Variants in BORA observed in about 807,000 individuals in gnomAD.
BORA encodes the protein protein aurora borealis.
BORA carries 26 observed loss-of-function variants against 55.8 expected under a neutral mutation model. The ratio of observed to expected loss-of-function variants is 0.47; its 90% CI spans 0.34 to 0.65. The LOEUF (loss-of-function observed/expected upper bound fraction) is 0.65. BORA is among the 30% of genes least tolerant of loss of function. The pLI is 0.01. For missense variants in BORA, 568 were observed against 671.5 expected (o/e 0.85, Z 1.70); for synonymous variants, 201 against 216.9 (o/e 0.93, Z 0.64).
At chr13:72,736,556 T>A (rs2032932052) in intron 4 of BORA, among the ~76,000 whole-genome samples, 1 of 152,196 alleles carries the variant, frequency 6.6e-6, no homozygotes, top group Admixed American at 6.5e-5. Flanking sequence ...CATATACAGA[T>A]TTTTACATTC....
chr13:72,731,513 T>C, intron 3 of BORA, 126 bp downstream of exon 3: 1 of 703,432 alleles, frequency 1.4e-6, no homozygotes. Flanking sequence ...TGCAGATTTT[T>C]TCTATCTAAA....
chr13:72,744,439 GTA>G (rs1250793108), intron 6 of BORA, 64 bp from the exon 7 acceptor site: 49 of 1,342,380 alleles, frequency 3.7e-5, no homozygotes, highest in Non-Finnish European at 5.0e-5. Context: ...ATGCTGAATT[GTA>G]TAGTGTATAC....
chr13:72,743,295 T>C (rs367867528), intron 5 of BORA, among the ~76,000 whole-genome samples: 3 of 151,986 alleles, frequency 2.0e-5, no homozygotes, highest in Non-Finnish European at 4.4e-5. Context: ...TAAAGAAAAA[T>C]GTAAAAAAAA....
rs1366818494 is a variant in BORA at position 72,745,946 on chromosome 13, G to A, written c.741G>A (p.Gly247=). ...CRSPLQTPSS[G]QFSSSPIQAS... Reference sequence around the variant, plus strand: ...TTTACTATTTAATTTTATTACAGGGGCAGTTTTCTTCTAGCCCTATTCAGG... The same window carrying A: ...TTTACTATTTAATTTTATTACAGGGACAGTTTTCTTCTAGCCCTATTCAGG... Residue 247 remains glycine, a splice_region_variant and synonymous_variant, in exon 9 of 12, where the codon GGG becomes GGA. Transcript: ENST00000390667. The A allele has an allele frequency of 1.2e-6, 2 of 1,603,126 alleles. No individual in the cohort carries two copies. Among genetic ancestry groups the A allele is most frequent in the Non-Finnish European group, 8.5e-7 (1 of 1,175,846 alleles).
Position 72,727,958 on chromosome 13 carries a change from C to T in BORA, c.-65C>T, listed in dbSNP as rs997517946. 4 of 1,550,598 alleles carry T rather than the reference C, an allele frequency of 2.6e-6. No homozygotes were observed. The African/African-American group carries it at 5.5e-5, about 21-fold the overall frequency. ...TGCCTGTCGTGGAAGCTGGCCTGGC[C>T]CCCGGAGCTCCCTGGAGTCGGTACT... On this transcript the variant is annotated 5_prime_UTR_variant, in exon 1 of 12. Transcript: ENST00000390667.
intron 4 of BORA, among the ~76,000 whole-genome samples, chr13:72,736,898 G>C (rs1176395247): frequency 7.6e-6 from 1 of 132,258 alleles, no homozygotes; most frequent in Non-Finnish European, 1.6e-5. Flanking sequence ...CTTTACTTTT[G>C]AGTGAACTTA....
chr13:72,749,675 T>A (rs932413261), intron 10 of BORA, among the ~76,000 whole-genome samples: 4 of 152,302 alleles, frequency 2.6e-5, no homozygotes, highest in Middle Eastern at 3.4e-3. Context: ...CTCTCCAGCT[T>A]GTTTCCTTCA....
chr13:72,739,321 T>TG (rs1440411252), intron 5 of BORA, among the ~76,000 whole-genome samples: 23 of 152,308 alleles, frequency 1.5e-4, no homozygotes, highest in Admixed American at 6.5e-4. Context: ...ATCAAGAAGA[T>TG]GCTTAAAAAC....
At chr13:72,734,430 T>C (rs940861743) in intron 3 of BORA, among the ~76,000 whole-genome samples, 15 of 151,986 alleles carry the variant, frequency 9.9e-5, no homozygotes, top group Admixed American at 2.6e-4. Flanking sequence ...TGTATCAAAG[T>C]GAAAAAAAAA....
Position 72,755,699 on chromosome 13 carries a change from C to T in BORA, c.*483C>T, listed in dbSNP as rs1593827400. 3 of 395,916 alleles carry T rather than the reference C, an allele frequency of 7.6e-6. No homozygotes were observed. Among genetic ancestry groups the T allele is most frequent in the Non-Finnish European group, 1.3e-5 (3 of 224,966 alleles). 24.5% of individuals were successfully genotyped at this position (395,916 alleles called of 1,614,324 possible). ...TTTCAAAGATACAAAAGAAATTAAA[C>T]AGGTTTCCTGAAATTTTAGTTCTTG... On this transcript the variant is annotated 3_prime_UTR_variant, in exon 12 of 12. Transcript: ENST00000390667.
intron 7 of BORA, 50 bp from the exon 8 acceptor site, chr13:72,744,931 T>C (rs1309438997): frequency 6.5e-7 from 1 of 1,530,556 alleles, no homozygotes; most frequent in Non-Finnish European, 9.0e-7. Context: ...AGAAGTATAA[T>C]TGCCCTTTAA....
At chr13:72,728,091 G>A in intron 1 of BORA, 84 bp downstream of exon 1, 1 of 1,517,664 alleles carries the variant, frequency 6.6e-7, no homozygotes, top group Non-Finnish European at 9.0e-7. Context: ...TTGCCTGCCC[G>A]CTCGCCCCTG....
chr13:72,744,681 A>G, intron 7 of BORA, 120 bp downstream of exon 7: 1 of 748,178 alleles, frequency 1.3e-6, no homozygotes, highest in South Asian at 1.9e-5. Flanking sequence ...GAAGTGGGGA[A>G]ACTGCCCTGA....
Position 72,746,047 on chromosome 13 carries a change from A to G in BORA, c.842A>G (p.Glu281Gly), listed in dbSNP as rs780160823. 1.2e-6 allele frequency: 2 copies of G among 1,611,780 alleles called. No homozygotes were observed. The highest frequency in any genetic ancestry group is 1.7e-5 in the Admixed American group (1 of 59,966). Residue 281 changes from glutamate (E) to glycine (G), a missense_variant, in exon 9 of 12, where the codon GAA (glutamate) becomes GGA (glycine). By Grantham distance (98) the Glu-to-Gly change is moderately conservative (BLOSUM62 -2). Coordinates refer to ENST00000390667, the MANE Select transcript of BORA (RefSeq NM_024808.5). The part of the protein sequence containing the change: ...PISSPTFSPI[E>G]FQIGETPLSE... ...TCTTCACCCACTTTCTCACCAATTG[A>G]ATTTCAGATAGGAGAGACTCCACTC...
At chr13:72,747,187 G>C in intron 10 of BORA, 76 bp downstream of exon 10, 1 of 1,470,188 alleles carries the variant, frequency 6.8e-7, no homozygotes, top group Non-Finnish European at 9.2e-7. Context: ...TATAGTATAA[G>C]AAAGATAATG....
chr13:72,753,585 A>G, intron 10 of BORA, 105 bp from the exon 11 acceptor site: 1 of 1,176,622 alleles, frequency 8.5e-7, no homozygotes, highest in Non-Finnish European at 1.2e-6. Context: ...ATTACATGTT[A>G]GGATCATTCA....
intron 5 of BORA, among the ~76,000 whole-genome samples, chr13:72,740,532 A>G (rs2033013740): frequency 6.6e-6 from 1 of 152,158 alleles, no homozygotes; most frequent in Non-Finnish European, 1.5e-5. Context: ...ATCGAGTAGT[A>G]TAGATAGAGA....
At chr13:72,734,815 G>T (rs2138049419) in intron 3 of BORA, 145 bp from the exon 4 acceptor site, 1 of 564,858 alleles carries the variant, frequency 1.8e-6, no homozygotes, top group Non-Finnish European at 3.1e-6. Flanking sequence ...AATGTTACAA[G>T]ATACCACTAG....
Position 72,729,111 on chromosome 13 carries a change from A to G in BORA, c.153+18A>G. On this transcript the variant is annotated intron_variant, in intron 2 of 11. Transcript: ENST00000390667. ...AATTACCAGTAAGTTATTCCTGACT[A>G]GTGTTTACAACTAATTTTAAATGTA... 1.3e-6 allele frequency: 2 copies of G among 1,505,920 alleles called. No individual in the cohort carries two copies. The highest frequency in any genetic ancestry group is 2.6e-5 in the South Asian group (2 of 77,500). 93.3% of individuals were successfully genotyped at this position (1,505,920 alleles called of 1,614,324 possible).
Sources: allele counts gnomAD v4.1 joint callset (sites outside exome capture counted in the v4.1 genomes callset), GRCh38; gene constraint gnomAD v4.1.1; transcripts MANE v1.5; gene names NCBI Gene and HGNC (gene_info 2026-07-23, HGNC 2026-07-21).